The following POU2F1 variants were observed in gnomAD, a reference collection of about 807,000 sequenced individuals.
POU2F1 encodes the protein POU domain, class 2, transcription factor 1.
In POU2F1, 16 loss-of-function variants were observed where a neutral mutation model predicts 84.9. That is an observed-to-expected ratio of 0.19 (90% CI 0.13 to 0.29). POU2F1 has a LOEUF of 0.29. POU2F1 is among the 10% of genes least tolerant of loss of function. The pLI is 1.00. For missense variants in POU2F1, 738 were observed against 942.6 expected, an observed-to-expected ratio of 0.78 and a Z score of 2.84; for synonymous variants, 368 against 368.3, an observed-to-expected ratio of 1.00 and a Z score of 0.01.
chr1:167,419,232 AG>A lies in POU2F1; in HGVS notation c.*3425del, dbSNP rs1257317372. The stretch of plus-strand genomic sequence containing the variant: ...GAGAGCCTGGAAACTAAAGGGGACC[AG>A]GGACCATTTGACCAAAAGAGGTGTT... On this transcript the variant is annotated 3_prime_UTR_variant, in exon 16 of 16. Transcript: ENST00000367866. 1 of 152,240 alleles carries A rather than the reference AG, an allele frequency of 6.6e-6. No individual in the cohort carries two copies. Among genetic ancestry groups the A allele is most frequent in the Non-Finnish European group, 1.5e-5 (1 of 68,034 alleles). The allele number at this position is 152,240 out of a possible 1,614,324, so 9.4% of individuals were successfully genotyped here. A position where few individuals can be genotyped will look rare whatever the true frequency, so the allele number is the denominator to read the frequency against.
intron 1 of POU2F1, among the ~76,000 whole-genome samples, chr1:167,237,746 G>GTGTGTGTATATATATA (rs1478366181): frequency 1.9e-4 from 14 of 72,962 alleles, no homozygotes; most frequent in Non-Finnish European, 2.9e-4. Context: ...ATGTGTGTGT[G>GTGTGTGTATATATATA]TATATATATA....
At chr1:167,300,080 A>G (rs1654574319) in intron 1 of POU2F1, among the ~76,000 whole-genome samples, 1 of 152,232 alleles carries the variant, frequency 6.6e-6, no homozygotes, top group Non-Finnish European at 1.5e-5. Flanking sequence ...ATACTACACA[A>G]CCATAAAAAG....
At chr1:167,338,145 T>C (rs1657594754) in intron 2 of POU2F1, 1 of 467,228 alleles carries the variant, frequency 2.1e-6, no homozygotes. Flanking sequence ...TCCAGCTTTT[T>C]GTCTTCTGCC....
rs1206293850 is a variant in POU2F1 at position 167,398,069 on chromosome 1, G to A, written c.1205G>A (p.Arg402Lys). ...CCAGGAATTGAGGGCTTGAGCCGTAGGAGGAAGAAACGCACCAGCATAGAG... is the reference window on the plus strand; with the variant it reads ...CCAGGAATTGAGGGCTTGAGCCGTAAGAGGAAGAAACGCACCAGCATAGAG... ...NSPGIEGLSR[R>K]RKKRTSIETN... The change falls in exon 11 of 16, where the codon AGG becomes AAG. Residue 402 changes from arginine (R) to lysine (K), a missense_variant. By Grantham distance (26) the Arg-to-Lys change is conservative. Transcript: ENST00000367866. 1 of 1,614,122 alleles carries A rather than the reference G, an allele frequency of 6.2e-7. No homozygotes were observed. Among genetic ancestry groups the A allele is most frequent in the Admixed American group, 1.7e-5 (1 of 60,018 alleles).
chr1:167,253,450 T>G (rs1650891465), intron 1 of POU2F1, among the ~76,000 whole-genome samples: 1 of 151,130 alleles, frequency 6.6e-6, no homozygotes, highest in African/African-American at 2.4e-5. Flanking sequence ...TGGGTTTTTT[T>G]GGTCTTACTC....
intron 1 of POU2F1, among the ~76,000 whole-genome samples, chr1:167,240,365 G>A (rs1470509352): frequency 1.3e-5 from 2 of 152,314 alleles, no homozygotes; most frequent in Middle Eastern, 3.4e-3. Context: ...TGGTAGGGCA[G>A]TGAAGAAATT....
intron 1 of POU2F1, among the ~76,000 whole-genome samples, 195 bp downstream of exon 1, chr1:167,221,153 A>T (rs568903494): frequency 1.8e-4 from 27 of 149,170 alleles, no homozygotes; most frequent in African/African-American, 6.7e-4. Context: ...GGCCAGGCGG[A>T]GGGGGAAGAC....
chr1:167,415,605 T>C lies in POU2F1; in HGVS notation c.2096T>C (p.Phe699Ser). The change falls in exon 16 of 16, where the codon TTC (phenylalanine) becomes TCC (serine). Residue 699 changes from phenylalanine (F) to serine (S), a missense_variant. Coordinates refer to ENST00000367866, the MANE Select transcript of POU2F1 (RefSeq NM_002697.4). ...CCCAACATCGTGACTGCCCCTCTGT[T>C]CCTGAACCCTCAGAACCTCTCTCTG... Reference protein sequence around the residue: ...GAPNIVTAPLFLNPQNLSLLT... With the variant: ...GAPNIVTAPLSLNPQNLSLLT... 6.2e-7 allele frequency: 1 copy of C among 1,614,150 alleles called. No homozygotes were observed. Among genetic ancestry groups the C allele is most frequent in the Non-Finnish European group, 8.5e-7 (1 of 1,180,024 alleles).
At chr1:167,381,840 C>A (rs1429140883) in intron 7 of POU2F1, among the ~76,000 whole-genome samples, 1 of 151,128 alleles carries the variant, frequency 6.6e-6, no homozygotes, top group African/African-American at 2.4e-5. Flanking sequence ...GAACTCCTGA[C>A]CTCAAGTGAT....
At chr1:167,347,737 C>G (rs1306637629) in intron 2 of POU2F1, among the ~76,000 whole-genome samples, 1 of 152,132 alleles carries the variant, frequency 6.6e-6, no homozygotes, top group African/African-American at 2.4e-5. Context: ...TAGTTTGTCT[C>G]TATAAATTTA....
intron 15 of POU2F1, chr1:167,414,560 G>C (rs1383958143): frequency 1.0e-6 from 1 of 985,430 alleles, no homozygotes; most frequent in Non-Finnish European, 1.2e-6. Flanking sequence ...AATGTTGCCA[G>C]ACAACAGGTT....
intron 12 of POU2F1, 54 bp downstream of exon 12, chr1:167,399,419 C>A: frequency 6.9e-7 from 1 of 1,442,732 alleles, no homozygotes; most frequent in Non-Finnish European, 9.5e-7. Context: ...TGCAATTTTA[C>A]AAATGACCTG....
rs761386225 is a variant in POU2F1, at chr1:167,340,431, C to CTTT, written c.127+7911_127+7913dup. 8.6e-3 allele frequency among the ~76,000 whole-genome samples: 1,046 copies of CTTT among 122,282 alleles called. 58 individuals carry two copies. The highest frequency in any genetic ancestry group is 0.032 in the African/African-American group (935 of 29,004). The allele number at this position is 122,282 out of a possible 152,430, so 80.2% of individuals were successfully genotyped here. On this transcript the variant is annotated intron_variant, in intron 2 of 15. Coordinates refer to ENST00000367866, the MANE Select transcript of POU2F1 (RefSeq NM_002697.4). Reference sequence around the variant, plus strand: ...TATGTTGTTTCTTTTTTCTTTTTTTCTTTTTTTTTTTTTTTTTGGAGACAG... The same window carrying CTTT: ...TATGTTGTTTCTTTTTTCTTTTTTTCTTTTTTTTTTTTTTTTTTTTGGAGACAG...
At chr1:167,332,582 A>G (rs1184691130) in intron 2 of POU2F1, 47 bp downstream of exon 2, 1 of 1,464,820 alleles carries the variant, frequency 6.8e-7, no homozygotes, top group Admixed American at 1.7e-5. Context: ...AGTAGAGCAC[A>G]AAGAAGAAAG....
intron 5 of POU2F1, among the ~76,000 whole-genome samples, chr1:167,372,353 G>A (rs1660066334): frequency 6.6e-6 from 1 of 152,186 alleles, no homozygotes; most frequent in Non-Finnish European, 1.5e-5. Flanking sequence ...TCATTACACT[G>A]AAAATGGCAG....
At chr1:167,395,660 G>A (rs548673559) in intron 9 of POU2F1, among the ~76,000 whole-genome samples, 6 of 151,840 alleles carry the variant, frequency 4.0e-5, no homozygotes, top group East Asian at 1.9e-4. Context: ...ACTGGAGTGC[G>A]GTGCCATGAT....
chr1:167,276,813 C>A (rs1652759026), intron 1 of POU2F1, among the ~76,000 whole-genome samples: 1 of 150,180 alleles, frequency 6.7e-6, no homozygotes, highest in African/African-American at 2.5e-5. Flanking sequence ...AGGAGAAAAT[C>A]AATAAGTATG....
intron 9 of POU2F1, among the ~76,000 whole-genome samples, chr1:167,391,104 A>G (rs1648365136): frequency 6.6e-6 from 1 of 152,068 alleles, no homozygotes; most frequent in South Asian, 2.1e-4. Context: ...TTAACCTGTC[A>G]TAAATAATAT....
Position 167,412,071 on chromosome 1 carries a change from C to T in POU2F1, c.1668C>T (p.Ser556=), listed in dbSNP as rs1197623143. The T allele has an allele frequency of 9.3e-6, 15 of 1,614,074 alleles. No individual in the cohort carries two copies. The change falls in exon 14 of 16, where the codon TCC becomes TCT. Residue 556 remains serine, a synonymous_variant. Transcript: ENST00000367866. ...GTCCCTCCCCTTCTGCCTCAGCCTC[C>T]ACCTCCGAGGCATCCAGTGCCAGTG... ...SLSPSPSASA[S]TSEASSASET...
Sources: gnomAD v4.1 joint callset for allele counts (sites outside exome capture counted in the v4.1 genomes callset) on GRCh38, gnomAD v4.1.1 for gene constraint, MANE v1.5 for transcripts, NCBI Gene and HGNC (gene_info 2026-07-23, HGNC 2026-07-21) for gene names.